Variants in PDSS1 observed in about 807,000 individuals in gnomAD.
PDSS1 encodes all trans-polyprenyl-diphosphate synthase PDSS1.
Under a neutral mutation model 57.5 loss-of-function variants are expected in PDSS1, and 43 were observed. The ratio of observed to expected loss-of-function variants is 0.75; its 90% CI spans 0.59 to 0.96. The LOEUF (loss-of-function observed/expected upper bound fraction) is 0.96. Among genes scored for constraint, PDSS1 ranks in the 50% least tolerant of loss-of-function variants. The pLI, the probability that PDSS1 is intolerant of heterozygous loss-of-function variation, is 0.00. For missense variants in PDSS1, 438 were observed against 527.8 expected, an observed-to-expected ratio of 0.83 and a Z score of 1.67; for synonymous variants, 175 against 191.3, an observed-to-expected ratio of 0.91 and a Z score of 0.70.
At chr10:26,705,605 C>A (rs1222193367) in intron 4 of PDSS1, among the ~76,000 whole-genome samples, 1 of 152,152 alleles carries the variant, frequency 6.6e-6, no homozygotes, top group Non-Finnish European at 1.5e-5. Flanking sequence ...TCCTGAGTAG[C>A]TGAGATTATA....
Position 26,746,706 on chromosome 10 carries a change from G to A in PDSS1, c.*233G>A, listed in dbSNP as rs1836958618. On this transcript the variant is annotated 3_prime_UTR_variant, in exon 12 of 12. Transcript: ENST00000376215. ...TTCTAGTCCTATAAATTATAATCAA[G>A]GTATCTTGATGGTTATATGTGGTAT... 1 of 514,382 alleles carries A rather than the reference G, an allele frequency of 1.9e-6. No individual in the cohort carries two copies. Among genetic ancestry groups the A allele is most frequent in the African/African-American group, 1.9e-5 (1 of 52,412 alleles). The allele number at this position is 514,382 out of a possible 1,614,324, so 31.9% of individuals were successfully genotyped here.
intron 4 of PDSS1, among the ~76,000 whole-genome samples, chr10:26,707,093 T>C (rs887701585): frequency 6.6e-6 from 1 of 152,158 alleles, no homozygotes; most frequent in African/African-American, 2.4e-5. Flanking sequence ...GATTCTTCCC[T>C]TGGGGTGGGC....
At chr10:26,713,161 A>G (rs1426009796) in intron 5 of PDSS1, among the ~76,000 whole-genome samples, 2 of 95,864 alleles carry the variant, frequency 2.1e-5, no homozygotes, top group African/African-American at 6.8e-5. Flanking sequence ...GCATGGTGGC[A>G]CGCACCTGTC....
At chr10:26,708,207 T>C (rs1835305565) in intron 4 of PDSS1, among the ~76,000 whole-genome samples, 1 of 152,226 alleles carries the variant, frequency 6.6e-6, no homozygotes, top group Admixed American at 6.5e-5. Flanking sequence ...GTCGGTAATT[T>C]ACTGAATGAA....
intron 5 of PDSS1, 168 bp from the exon 6 acceptor site, chr10:26,720,050 A>ATGT (rs1398430052): frequency 4.4e-6 from 4 of 906,588 alleles, no homozygotes; most frequent in Non-Finnish European, 6.6e-6. Context: ...TTTCTCATAC[A>ATGT]TTTGTAAATG....
At chr10:26,699,584 G>A (rs2477292) in intron 1 of PDSS1, among the ~76,000 whole-genome samples, 40,104 of 151,620 alleles carry the variant, frequency 0.26, 6,504 homozygotes, top group Middle Eastern at 0.39. Context: ...TAGTAGAGAC[G>A]GCATTTCACC....
intron 8 of PDSS1, among the ~76,000 whole-genome samples, chr10:26,725,231 A>G (rs935131057): frequency 4.6e-5 from 7 of 152,198 alleles, no homozygotes; most frequent in African/African-American, 1.4e-4. Flanking sequence ...TCGCATGTCA[A>G]TTGCTGTCAT....
intron 5 of PDSS1, 129 bp downstream of exon 5, chr10:26,709,897 AATCCCAGCATTCTGGG>A: frequency 2.0e-6 from 2 of 980,876 alleles, no homozygotes; most frequent in Non-Finnish European, 3.2e-6. Context: ...TCATGCCTAT[AATCCCAGCATTCTGGG>A]AGCCTGAGGC....
At chr10:26,710,547 C>T (rs1835386622) in intron 5 of PDSS1, among the ~76,000 whole-genome samples, 2 of 88,758 alleles carry the variant, frequency 2.3e-5, no homozygotes, top group South Asian at 6.3e-4. Flanking sequence ...ACCATGTTGG[C>T]CAGGCTGGTC....
In PDSS1 at chr10:26,712,148, C is replaced by T. The variant is rs867910497; in HGVS notation, c.467+2380C>T. Among the ~76,000 whole-genome samples, 17 of 95,950 alleles carry T rather than the reference C, an allele frequency of 1.8e-4. 7 individuals are homozygous for T. The highest frequency in any genetic ancestry group is 3.6e-4 in the Non-Finnish European group (15 of 41,670). 62.9% of individuals were successfully genotyped at this position (95,950 alleles called of 152,430 possible). On this transcript the variant is annotated intron_variant, in intron 5 of 11. Coordinates refer to ENST00000376215, the MANE Select transcript of PDSS1 (RefSeq NM_014317.5). ...TCCCAAGTAGCTGGGATTACAGATG[C>T]ACGCTACCACGCCCAGCCAATTTTG...
In PDSS1 at chr10:26,699,063, T is replaced by C. The variant is rs78773536; in HGVS notation, c.129+1223T>C. On this transcript the variant is annotated intron_variant, in intron 1 of 11. Coordinates refer to ENST00000376215, the MANE Select transcript of PDSS1 (RefSeq NM_014317.5). ...TTGTTCGATCCCAGGAGTTCAAGATTACAGTGAGCTGTTTATTGTGATAGT... is the reference window on the plus strand; with the variant it reads ...TTGTTCGATCCCAGGAGTTCAAGATCACAGTGAGCTGTTTATTGTGATAGT... Among the ~76,000 whole-genome samples the C allele has an allele frequency of 9.7e-3, 1,470 of 152,288 alleles. 20 individuals carry two copies. The highest frequency in any genetic ancestry group is 0.033 in the African/African-American group (1,371 of 41,550).
intron 5 of PDSS1, chr10:26,715,832 GTC>G (rs1341789698): frequency 2.6e-5 from 4 of 152,084 alleles, no homozygotes; most frequent in African/African-American, 7.2e-5. Context: ...CATCATAGGG[GTC>G]TCTCTCCACA....
intron 5 of PDSS1, among the ~76,000 whole-genome samples, chr10:26,718,455 A>G (rs1417588619): frequency 1.3e-5 from 2 of 152,066 alleles, no homozygotes; most frequent in African/African-American, 2.4e-5. Context: ...AAGAAGTTGT[A>G]ACTGAAATAT....
At chr10:26,709,079 TTCTG>T (rs1835335762) in intron 4 of PDSS1, among the ~76,000 whole-genome samples, 2 of 152,158 alleles carry the variant, frequency 1.3e-5, no homozygotes, top group Non-Finnish European at 2.9e-5. Flanking sequence ...TGGTGTCTGA[TTCTG>T]TCAGCGGGGC....
intron 8 of PDSS1, among the ~76,000 whole-genome samples, chr10:26,726,297 G>T (rs1835944719): frequency 6.6e-6 from 1 of 152,198 alleles, no homozygotes; most frequent in Non-Finnish European, 1.5e-5. Flanking sequence ...CCACTAGGGG[G>T]CATGCTGGCA....
chr10:26,724,964 G>C (rs988978159), intron 8 of PDSS1, among the ~76,000 whole-genome samples: 1 of 152,004 alleles, frequency 6.6e-6, no homozygotes, highest in Admixed American at 6.6e-5. Flanking sequence ...TTGAGTATAA[G>C]CCATAACTGT....
intron 10 of PDSS1, among the ~76,000 whole-genome samples, chr10:26,742,140 G>C (rs1229645685): frequency 6.6e-6 from 1 of 152,212 alleles, no homozygotes; most frequent in African/African-American, 2.4e-5. Flanking sequence ...GCCTCCCAGA[G>C]TGCTGGGATT....
intron 4 of PDSS1, among the ~76,000 whole-genome samples, chr10:26,707,584 C>T (rs1375232275): frequency 6.6e-6 from 1 of 152,158 alleles, no homozygotes; most frequent in East Asian, 1.9e-4. Flanking sequence ...GCACTTTGTT[C>T]CCCCTCCTTA....
At chr10:26,730,858 A>G (rs1332778889) in intron 8 of PDSS1, among the ~76,000 whole-genome samples, 2 of 151,942 alleles carry the variant, frequency 1.3e-5, no homozygotes, top group Non-Finnish European at 2.9e-5. Flanking sequence ...TTCCTTTTGC[A>G]TTTCTTCAGT....
Sources: gnomAD v4.1 joint callset for allele counts (sites outside exome capture counted in the v4.1 genomes callset) on GRCh38, gnomAD v4.1.1 for gene constraint, MANE v1.5 for transcripts, NCBI Gene and HGNC (gene_info 2026-07-23, HGNC 2026-07-21) for gene names.